The following PLEKHH2 variants were observed in gnomAD, a reference collection of about 807,000 sequenced individuals.
PLEKHH2 encodes the protein pleckstrin homology domain-containing family H member 2.
A neutral mutation model predicts 187.9 loss-of-function variants in PLEKHH2; 129 were observed. The observed-to-expected ratio is 0.69, with a 90% CI of 0.59 to 0.79. The LOEUF is 0.79. Ranked by LOEUF, PLEKHH2 falls within the 30% of genes least tolerant of loss-of-function variation. The pLI is 0.00. For synonymous variants in PLEKHH2, 686 were observed against 605.6 expected (o/e 1.13, Z -1.95); for missense variants, 2,076 against 1,751.2 (o/e 1.19, Z -3.31).
In PLEKHH2 at chr2:43,672,776, C is replaced by T. The variant is rs150852599; in HGVS notation, c.124-6087C>T. Among the ~76,000 whole-genome samples, 1,020 of 152,216 alleles carry T rather than the reference C, an allele frequency of 6.7e-3. 6 individuals are homozygous for T. The highest frequency in any genetic ancestry group is 0.011 in the Non-Finnish European group (750 of 68,006). ...TTTTTTTCCTCCCTGCCATTATTCT[C>T]TTCCTTTTTTCAGCTCCGTAAAACT... On this transcript the variant is annotated intron_variant, in intron 2 of 29. Coordinates refer to ENST00000282406, the MANE Select transcript of PLEKHH2 (RefSeq NM_172069.4).
intron 2 of PLEKHH2, among the ~76,000 whole-genome samples, chr2:43,669,091 G>T (rs1278030805): frequency 1.3e-5 from 2 of 152,154 alleles, no homozygotes; most frequent in African/African-American, 2.4e-5. Flanking sequence ...GTCCTCTTTG[G>T]TTGACTAAGG....
At chr2:43,712,001 CTG>C in intron 14 of PLEKHH2, 1 of 1,244,228 alleles carries the variant, frequency 8.0e-7, no homozygotes, top group South Asian at 1.9e-5. Flanking sequence ...ATTAGGTAAA[CTG>C]GAGTAACAAA....
chr2:43,710,241 TA>T lies in PLEKHH2; in HGVS notation c.2126del (p.Tyr709PhefsTer3), dbSNP rs1324562200. On this transcript the variant is annotated frameshift_variant, in exon 13 of 30. Coordinates refer to ENST00000282406, the MANE Select transcript of PLEKHH2 (RefSeq NM_172069.4). LOFTEE classifies it high-confidence loss of function. ...TTAGGAACCACTGGAAAAATCTGGT[TA>T]TTTATTAAAAATGAGTGGTAAAGTC... ...GKNEPLEKSG[Y>X]LLKMSGKVKS... 1 of 1,614,132 alleles carries T rather than the reference TA, an allele frequency of 6.2e-7. No individual in the cohort carries two copies. The highest frequency in any genetic ancestry group is 1.7e-5 in the Admixed American group (1 of 60,018).
intron 2 of PLEKHH2, among the ~76,000 whole-genome samples, chr2:43,657,050 C>CA (rs899565341): frequency 1.5e-5 from 2 of 137,828 alleles, no homozygotes; most frequent in African/African-American, 5.4e-5. Context: ...CAAAATAAAA[C>CA]AAAAAAACCT....
At chr2:43,762,531 A>G (rs1393185871) in intron 28 of PLEKHH2, 141 bp downstream of exon 28, 4 of 580,128 alleles carry the variant, frequency 6.9e-6, no homozygotes, top group Non-Finnish European at 1.2e-5. Context: ...ATGAACAGTC[A>G]TTTTACAAAT....
chr2:43,694,143 G>T (rs1668971307), intron 4 of PLEKHH2, among the ~76,000 whole-genome samples: 1 of 152,118 alleles, frequency 6.6e-6, no homozygotes, highest in Non-Finnish European at 1.5e-5. Flanking sequence ...ACCATTCCCA[G>T]AAATGGCTTA....
At position 43,697,216 on chromosome 2, in the gene PLEKHH2, C is replaced by T. The variant is rs746554709; in HGVS notation, c.548C>T (p.Ser183Leu). Reference protein sequence around the residue: ...KSSTVSTLKLSEGQRLSSLTF... With the variant: ...KSSTVSTLKLLEGQRLSSLTF... The stretch of plus-strand genomic sequence containing the variant: ...TCCACTGTCTCTACACTAAAGCTTT[C>T]GGAAGGCCAGCGCCTGAGCAGTTTG... Residue 183 changes from serine to leucine, a missense_variant, in exon 7 of 30, where the codon TCG (serine) becomes TTG (leucine). Coordinates refer to ENST00000282406, the MANE Select transcript of PLEKHH2 (RefSeq NM_172069.4). 4.1e-5 allele frequency: 66 copies of T among 1,612,508 alleles called. No individual in the cohort carries two copies. In the East Asian group the frequency reaches 9.8e-4, roughly 24 times the overall value.
At chr2:43,637,744 G>A (rs1226381064) in intron 1 of PLEKHH2, among the ~76,000 whole-genome samples, 2 of 152,188 alleles carry the variant, frequency 1.3e-5, no homozygotes, top group Admixed American at 6.5e-5. Context: ...GGGTCCCCGA[G>A]CCGAGGGACC....
chr2:43,702,527 C>CTTTTTTTT (rs1167078689), intron 8 of PLEKHH2, among the ~76,000 whole-genome samples: 3,804 of 57,030 alleles, frequency 0.067, 352 homozygotes, highest in Middle Eastern at 0.12. Context: ...CATTCTACTA[C>CTTTTTTTT]TTTTTTTTTT....
chr2:43,705,259 T>TC (rs1553340766), intron 9 of PLEKHH2, among the ~76,000 whole-genome samples: 2 of 141,946 alleles, frequency 1.4e-5, no homozygotes, highest in East Asian at 3.9e-4. Flanking sequence ...TCCTTTTTTT[T>TC]TTTTTTTTTT....
At chr2:43,671,612 A>G (rs1483550376) in intron 2 of PLEKHH2, among the ~76,000 whole-genome samples, 1 of 152,114 alleles carries the variant, frequency 6.6e-6, no homozygotes, top group Non-Finnish European at 1.5e-5. Context: ...GATACCTTTT[A>G]TTAGGTATCA....
At chr2:43,699,192 C>G (rs1572576867) in intron 7 of PLEKHH2, among the ~76,000 whole-genome samples, 1 of 144,512 alleles carries the variant, frequency 6.9e-6, no homozygotes, top group African/African-American at 2.7e-5. Flanking sequence ...TTTATTATCT[C>G]TCTTTAGACT....
chr2:43,747,914 C>G (rs1362113724), intron 24 of PLEKHH2, among the ~76,000 whole-genome samples: 3 of 152,184 alleles, frequency 2.0e-5, no homozygotes, highest in East Asian at 1.9e-4. Context: ...TAGTCTATCC[C>G]ACAGAAATAT....
At chr2:43,650,971 A>G (rs150659486) in intron 2 of PLEKHH2, among the ~76,000 whole-genome samples, 59 of 151,454 alleles carry the variant, frequency 3.9e-4, no homozygotes, top group African/African-American at 1.4e-3. Flanking sequence ...CTACTGTTAT[A>G]TTTAAACTGG....
intron 3 of PLEKHH2, among the ~76,000 whole-genome samples, chr2:43,686,423 C>G (rs1668511560): frequency 6.6e-6 from 1 of 152,200 alleles, no homozygotes; most frequent in African/African-American, 2.4e-5. Context: ...TCTCAAACTC[C>G]TGACCTCAGG....
intron 15 of PLEKHH2, 50 bp from the exon 16 acceptor site, chr2:43,720,619 G>A (rs745939053): frequency 3.1e-6 from 5 of 1,595,792 alleles, no homozygotes; most frequent in Non-Finnish European, 3.4e-6. Context: ...TATAATTTAA[G>A]GTGTCAGAGT....
At chr2:43,732,059 G>A (rs569423946) in intron 19 of PLEKHH2, among the ~76,000 whole-genome samples, 1 of 152,156 alleles carries the variant, frequency 6.6e-6, no homozygotes, top group South Asian at 2.1e-4. Flanking sequence ...TTACCTTCCA[G>A]TAACTCTTCA....
At chr2:43,650,289 T>C (rs550743991) in intron 2 of PLEKHH2, among the ~76,000 whole-genome samples, 2 of 151,656 alleles carry the variant, frequency 1.3e-5, no homozygotes, top group South Asian at 2.1e-4. Flanking sequence ...TGCACCACCA[T>C]GCCCAGCTAA....
intron 18 of PLEKHH2, 34 bp downstream of exon 18, chr2:43,729,779 G>A (rs1437226790): frequency 6.9e-7 from 1 of 1,447,846 alleles, no homozygotes; most frequent in Non-Finnish European, 9.4e-7. Context: ...AAGCTTTATG[G>A]TTAATGAAAT....
Sources: allele counts gnomAD v4.1 joint callset (sites outside exome capture counted in the v4.1 genomes callset), GRCh38; gene constraint gnomAD v4.1.1; transcripts MANE v1.5; gene names NCBI Gene and HGNC (gene_info 2026-07-23, HGNC 2026-07-21).